The following SPAST variants were observed in gnomAD, a reference collection of about 807,000 sequenced individuals.
SPAST encodes spastic paraplegia 4 (autosomal dominant; spastin).
SPAST carries 30 observed loss-of-function variants against 76.6 expected under a neutral mutation model. That is an observed-to-expected ratio of 0.39 (90% CI 0.29 to 0.53). The LOEUF is 0.53. Ranked by LOEUF, SPAST falls within the 20% of genes least tolerant of loss-of-function variation. The pLI is 0.68. For synonymous variants in SPAST, 305 were observed against 281.0 expected (o/e 1.09, Z -0.86); for missense variants, 717 against 770.5 (o/e 0.93, Z 0.82).
Position 32,136,544 on chromosome 2 carries a change from G to A in SPAST, c.1246-19G>A. 6.4e-7 allele frequency: 1 copy of A among 1,572,362 alleles called. No homozygotes were observed. The highest frequency in any genetic ancestry group is 8.8e-7 in the Non-Finnish European group (1 of 1,141,952). On this transcript the variant is annotated intron_variant, in intron 9 of 16. Transcript: ENST00000315285. ...AATGTTGCATTTTATGTGTATAACAGTATAATGCTTTGTTTTAGGTGGGAG... is the reference window on the plus strand; with the variant it reads ...AATGTTGCATTTTATGTGTATAACAATATAATGCTTTGTTTTAGGTGGGAG...
At position 32,115,838 on chromosome 2, in the gene SPAST, A is replaced by G; in HGVS notation, c.1004+3A>G. On this transcript the variant is annotated splice_donor_region_variant and intron_variant, in intron 6 of 16. Transcript: ENST00000315285. Reference sequence around the variant, plus strand: ...ATAATGAATGAAATTGTGGACAAGTAAGTTTTGCCATCTAAATGTTTTATT... The same window carrying G: ...ATAATGAATGAAATTGTGGACAAGTGAGTTTTGCCATCTAAATGTTTTATT... 1 of 1,603,226 alleles carries G rather than the reference A, an allele frequency of 6.2e-7. No homozygotes were observed. Among genetic ancestry groups the G allele is most frequent in the Non-Finnish European group, 8.5e-7 (1 of 1,172,782 alleles).
At chr2:32,154,117 T>C (rs1433387822) in intron 16 of SPAST, among the ~76,000 whole-genome samples, 1 of 152,240 alleles carries the variant, frequency 6.6e-6, no homozygotes, top group Non-Finnish European at 1.5e-5. Flanking sequence ...GGAAAAATAT[T>C]ATGCTTTCAA....
intron 1 of SPAST, chr2:32,066,065 C>G (rs780909751): frequency 4.0e-5 from 6 of 151,606 alleles, no homozygotes; most frequent in Non-Finnish European, 8.8e-5. Flanking sequence ...CCTCTGCCTC[C>G]CAGACGCAGG....
rs143216236 is a variant in SPAST at position 32,089,451 on chromosome 2, TG to T, written c.503-68del. ...ACTGTGACTCCCCATGAAAGTAGTT[TG>T]GGTGATAATTTATCGTGAAACAATA... On this transcript the variant is annotated intron_variant, in intron 2 of 16. Transcript: ENST00000315285. The T allele has an allele frequency of 3.7e-3, 3,227 of 876,394 alleles. 60 individuals are homozygous for T. In the African/African-American group the frequency reaches 0.046, roughly 12 times the overall value. The allele number at this position is 876,394 out of a possible 1,614,324, so 54.3% of individuals were successfully genotyped here.
At chr2:32,107,013 G>T (rs1211159730) in intron 4 of SPAST, among the ~76,000 whole-genome samples, 1 of 151,922 alleles carries the variant, frequency 6.6e-6, no homozygotes, top group Admixed American at 6.6e-5. Context: ...GCCCTGAAGA[G>T]TTGGTCTGTC....
intron 1 of SPAST, among the ~76,000 whole-genome samples, chr2:32,072,007 A>G (rs138991318): frequency 6.6e-6 from 1 of 152,184 alleles, no homozygotes; most frequent in African/African-American, 2.4e-5. Context: ...ATGTCAAAGA[A>G]ATATAATTTA....
At chr2:32,127,782 G>GT (rs1679242886) in intron 8 of SPAST, 1 of 151,518 alleles carries the variant, frequency 6.6e-6, no homozygotes, top group Non-Finnish European at 1.5e-5. Context: ...TTAGATGTTT[G>GT]TCTTTCTCAA....
intron 4 of SPAST, among the ~76,000 whole-genome samples, chr2:32,111,428 GTATA>G (rs920665182): frequency 1.3e-4 from 19 of 146,494 alleles, no homozygotes; most frequent in Admixed American, 9.3e-4. Context: ...AGTGTATAGA[GTATA>G]TATATAGTAT....
chr2:32,105,897 A>G (rs1678301939), intron 4 of SPAST, among the ~76,000 whole-genome samples: 1 of 152,194 alleles, frequency 6.6e-6, no homozygotes, highest in African/African-American at 2.4e-5. Flanking sequence ...CAGTTAGGCT[A>G]CTTGGGGATC....
intron 1 of SPAST, among the ~76,000 whole-genome samples, chr2:32,068,846 ATCTCACCC>A (rs1300888120): frequency 6.6e-6 from 1 of 150,610 alleles, no homozygotes; most frequent in Non-Finnish European, 1.5e-5. Context: ...GTGAGCTGAG[ATCTCACCC>A]ATTGCACTCC....
chr2:32,115,876 T>G, intron 6 of SPAST, 41 bp downstream of exon 6: 2 of 1,476,034 alleles, frequency 1.4e-6, no homozygotes, highest in Non-Finnish European at 1.9e-6. Context: ...ATAGTTTTTA[T>G]ATTTTAATTT....
intron 1 of SPAST, among the ~76,000 whole-genome samples, chr2:32,072,967 A>T (rs575899591): frequency 2.4e-4 from 36 of 152,232 alleles, no homozygotes; most frequent in Non-Finnish European, 3.7e-4. Context: ...TTTTGATTAC[A>T]TATGCAATAA....
chr2:32,093,078 G>T (rs1009771132), intron 3 of SPAST, among the ~76,000 whole-genome samples: 1 of 150,600 alleles, frequency 6.6e-6, no homozygotes, highest in African/African-American at 2.4e-5. Flanking sequence ...GAGGCGAGCA[G>T]ATCACTTGAG....
chr2:32,072,219 A>AT (rs1303899859), intron 1 of SPAST, among the ~76,000 whole-genome samples: 1 of 151,124 alleles, frequency 6.6e-6, no homozygotes, highest in Non-Finnish European at 1.5e-5. Flanking sequence ...TTTTTTTTGT[A>AT]TTTTTAGTAG....
intron 1 of SPAST, among the ~76,000 whole-genome samples, chr2:32,072,844 T>G (rs1252603695): frequency 1.3e-5 from 2 of 152,222 alleles, no homozygotes; most frequent in Admixed American, 6.5e-5. Flanking sequence ...ATTTCAGACT[T>G]GCTTTCTTTG....
chr2:32,134,541 T>G (rs1573152367), intron 9 of SPAST, among the ~76,000 whole-genome samples: 1 of 152,042 alleles, frequency 6.6e-6, no homozygotes. Context: ...TGGGCTCAAG[T>G]GATCCTCCCA....
chr2:32,066,993 CCAAAAAAAAA>C (rs1676544907), intron 1 of SPAST, among the ~76,000 whole-genome samples: 15 of 41,674 alleles, frequency 3.6e-4, no homozygotes, highest in Middle Eastern at 0.028. Flanking sequence ...AAAAAAAAAA[CCAAAAAAAAA>C]AAAACTGTTT....
intron 9 of SPAST, chr2:32,129,149 CAAG>C (rs1323230998): frequency 1.3e-5 from 2 of 152,368 alleles, no homozygotes; most frequent in Non-Finnish European, 2.9e-5. Context: ...GATTTTATCT[CAAG>C]GAGCCACCAG....
intron 12 of SPAST, among the ~76,000 whole-genome samples, chr2:32,139,132 A>C (rs539383224): frequency 1.2e-4 from 19 of 152,236 alleles, no homozygotes; most frequent in African/African-American, 4.3e-4. Context: ...TGCTTTGTCT[A>C]TTTGGACTCT....
Sources: allele counts gnomAD v4.1 joint callset (sites outside exome capture counted in the v4.1 genomes callset), GRCh38; gene constraint gnomAD v4.1.1; transcripts MANE v1.5; gene names NCBI Gene and HGNC (gene_info 2026-07-23, HGNC 2026-07-21).